MAPK13: variants seen among roughly 807,000 people sequenced by gnomAD.
MAPK13 encodes the protein MAP kinase 13.
In MAPK13, 39 loss-of-function variants were observed where a neutral mutation model predicts 53.5. The ratio of observed to expected loss-of-function variants is 0.73; its 90% CI spans 0.56 to 0.95. MAPK13 has a LOEUF of 0.95. Ranked by LOEUF, MAPK13 falls within the 40% of genes least tolerant of loss-of-function variation. The pLI, the probability that MAPK13 is intolerant of heterozygous loss-of-function variation, is 0.00. For missense variants in MAPK13, 460 were observed against 471.8 expected (o/e 0.98, Z 0.23); for synonymous variants, 179 against 190.9 (o/e 0.94, Z 0.51).
At chr6:36,137,856 G>A (rs747889787) in intron 8 of MAPK13, among the ~76,000 whole-genome samples, 1 of 150,692 alleles carries the variant, frequency 6.6e-6, no homozygotes, top group Non-Finnish European at 1.5e-5. Flanking sequence ...CTACTCGGGA[G>A]GCTGAGGCAG....
In MAPK13 at chr6:36,138,882, C is replaced by T. The variant is rs55990045; in HGVS notation, c.845C>T (p.Ala282Val). ...QLFPRASPQAADLLEKMLELD... is the reference protein window; with the variant it reads ...QLFPRASPQAVDLLEKMLELD... ...GCTCTTGGCTCTGCCCCTGCAGCTG[C>T]GGACCTGCTGGAGAAGATGCTGGAG... The change falls in exon 11 of 12, where the codon GCG becomes GTG. Residue 282 changes from alanine to valine, a missense_variant. By Grantham distance (64) the Ala-to-Val change is moderately conservative (BLOSUM62 0). Transcript: ENST00000211287. 1.5e-4 allele frequency: 244 copies of T among 1,610,142 alleles called. No homozygotes were observed. In the African/African-American group the frequency reaches 3.0e-3, roughly 20 times the overall value.
chr6:36,138,939 A>G lies in MAPK13; in HGVS notation c.902A>G (p.Gln301Arg), dbSNP rs1342222692. 8 of 1,613,122 alleles carry G rather than the reference A, an allele frequency of 5.0e-6. No individual in the cohort carries two copies. The highest frequency in any genetic ancestry group is 5.9e-6 in the Non-Finnish European group (7 of 1,179,616). The change falls in exon 11 of 12, where the codon CAG (glutamine) becomes CGG (arginine). Residue 301 changes from glutamine to arginine, a missense_variant. By Grantham distance (43) the Gln-to-Arg change is conservative (BLOSUM62 1). Transcript: ENST00000211287. Reference protein sequence around the residue: ...LDVDKRLTAAQALTHPFFEPF... With the variant: ...LDVDKRLTAARALTHPFFEPF... ...GTGGACAAGCGCCTGACGGCCGCGC[A>G]GGCCCTCACCCATCCCTTCTTTGAA...
Position 36,130,744 on chromosome 6 carries a change from G to A in MAPK13, c.119+43G>A. The A allele has an allele frequency of 9.3e-7, 1 of 1,078,986 alleles. No homozygotes were observed. The highest frequency in any genetic ancestry group is 1.3e-6 in the Non-Finnish European group (1 of 752,834). The allele number at this position is 1,078,986 out of a possible 1,614,324, so 66.8% of individuals were successfully genotyped here. ...CTGGGGGGCGGGGGGCGGGCGCCAGGCTCTCCCCTTTCCGCCCAGCCCGCC... is the reference window on the plus strand; with the variant it reads ...CTGGGGGGCGGGGGGCGGGCGCCAGACTCTCCCCTTTCCGCCCAGCCCGCC... On this transcript the variant is annotated intron_variant, in intron 1 of 11. Transcript: ENST00000211287. This position sits in a 1 kb window ranked among gnomAD's most constrained non-coding sequence, Gnocchi z 4.5.
chr6:36,131,651 T>C (rs1376772672), intron 2 of MAPK13, among the ~76,000 whole-genome samples: 2 of 152,202 alleles, frequency 1.3e-5, no homozygotes, highest in Non-Finnish European at 2.9e-5. Flanking sequence ...ACAGAGGAAA[T>C]TGGCACAGGG....
At chr6:36,136,793 G>A in intron 7 of MAPK13, 23 bp downstream of exon 7, 1 of 1,613,036 alleles carries the variant, frequency 6.2e-7, no homozygotes, top group Non-Finnish European at 8.5e-7. Context: ...TGCCTGAGAG[G>A]GCGGTCCTGG....
chr6:36,130,720 T>TGCGGGGC lies in MAPK13; in HGVS notation c.119+20_119+21insCGGGGCG. 8 of 668,548 alleles carry TGCGGGGC rather than the reference T, an allele frequency of 1.2e-5. No homozygotes were observed. The highest frequency in any genetic ancestry group is 1.9e-5 in the Non-Finnish European group (8 of 415,424). 41.4% of individuals were successfully genotyped at this position (668,548 alleles called of 1,614,324 possible). ...CCGTGTGGTGAGACCCCTGGGCCGC[T>TGCGGGGC]GGGGGGCGGGGGGCGGGCGCCAGGC... On this transcript the variant is annotated intron_variant, in intron 1 of 11. Transcript: ENST00000211287. The surrounding 1 kb of genome is among the most constrained non-coding windows in gnomAD (Gnocchi z 4.5).
At position 36,136,498 on chromosome 6, in the gene MAPK13, C is replaced by G. The variant is rs928432243; in HGVS notation, c.462C>G (p.Gly154=). ...AGVVHRDLKP[G]NLAVNEDCEL... ...CCTCCCCCCAGGACCTGAAGCCAGG[C>G]AACCTGGCTGTGAATGAGGACTGTG... Residue 154 remains glycine (G), a synonymous_variant, in exon 6 of 12, where the codon GGC becomes GGG. Coordinates refer to ENST00000211287, the MANE Select transcript of MAPK13 (RefSeq NM_002754.5). 1.3e-5 allele frequency: 21 copies of G among 1,601,020 alleles called. No homozygotes were observed. The highest frequency in any genetic ancestry group is 1.6e-5 in the Non-Finnish European group (19 of 1,174,080).
rs536311201 is a variant in MAPK13, at chr6:36,130,864, C to T, written c.119+163C>T. The T allele has an allele frequency of 1.9e-5, 10 of 512,974 alleles. No individual in the cohort carries two copies. The highest frequency in any genetic ancestry group is 2.5e-5 in the South Asian group (1 of 40,162). The allele number at this position is 512,974 out of a possible 1,614,324, so 31.8% of individuals were successfully genotyped here. On this transcript the variant is annotated intron_variant, in intron 1 of 11. Transcript: ENST00000211287. The surrounding 1 kb of genome is among the most constrained non-coding windows in gnomAD (Gnocchi z 4.5). ...CCAGCGGCCATCTCCCTTTTCTCAC[C>T]GAGTGGCTGAGTGAGGTCTCTGGGG...
rs1766573267 is a variant in MAPK13, at chr6:36,143,419, G to GT, written c.*4047dup. 6.6e-6 allele frequency: 1 copy of GT among 152,366 alleles called. No individual in the cohort carries two copies. Among genetic ancestry groups the GT allele is most frequent in the African/African-American group, 2.4e-5 (1 of 41,446 alleles). 9.4% of individuals were successfully genotyped at this position (152,366 alleles called of 1,614,324 possible). ...TGCACGGGTGCCCGGAGCTGCCTGC[G>GT]TGAGGCTGGGGGCTAGTTTGGATGA... On this transcript the variant is annotated 3_prime_UTR_variant, in exon 12 of 12. Transcript: ENST00000211287.
chr6:36,136,172 G>T, intron 5 of MAPK13, 124 bp downstream of exon 5: 3 of 1,195,524 alleles, frequency 2.5e-6, no homozygotes, highest in Admixed American at 2.0e-5. Context: ...ACAGAATGTG[G>T]AGTTTTCACA....
chr6:36,139,098 C>A, intron 11 of MAPK13, 43 bp downstream of exon 11: 1 of 1,537,998 alleles, frequency 6.5e-7, no homozygotes, highest in South Asian at 1.2e-5. Context: ...CGCCTGCAGC[C>A]TCTCTTCCTT....
chr6:36,135,744 G>A lies in MAPK13; in HGVS notation c.309-9G>A, dbSNP rs1427115710. 1.2e-6 allele frequency: 2 copies of A among 1,605,356 alleles called. No individual in the cohort carries two copies. Among genetic ancestry groups the A allele is most frequent in the Non-Finnish European group, 1.7e-6 (2 of 1,173,444 alleles). ...CGGCACTGTTCCAAGAACCCCTCAT[G>A]CCTTCCAGCTACCTGGTGATGCCCT... On this transcript the variant is annotated splice_polypyrimidine_tract_variant and intron_variant, in intron 3 of 11. Coordinates refer to ENST00000211287, the MANE Select transcript of MAPK13 (RefSeq NM_002754.5).
intron 2 of MAPK13, 40 bp downstream of exon 2, chr6:36,131,440 C>G: frequency 6.3e-7 from 1 of 1,584,434 alleles, no homozygotes. Flanking sequence ...GGGGGCTGCC[C>G]TGGGGAGTCA....
rs371385001 is a variant in MAPK13, at chr6:36,130,733, G to A, written c.119+32G>A. On this transcript the variant is annotated intron_variant, in intron 1 of 11. Coordinates refer to ENST00000211287, the MANE Select transcript of MAPK13 (RefSeq NM_002754.5). This position sits in a 1 kb window ranked among gnomAD's most constrained non-coding sequence, Gnocchi z 4.5. ...CCCCTGGGCCGCTGGGGGGCGGGGG[G>A]CGGGCGCCAGGCTCTCCCCTTTCCG... is the stretch of plus-strand genomic sequence containing the variant. 1,289 of 1,098,826 alleles carry A rather than the reference G, an allele frequency of 1.2e-3. 74 individuals are homozygous for A. The highest frequency in any genetic ancestry group is 2.0e-3 in the Admixed American group (87 of 42,524). The allele number at this position is 1,098,826 out of a possible 1,614,324, so 68.1% of individuals were successfully genotyped here.
chr6:36,133,830 G>A (rs570764665), intron 3 of MAPK13, among the ~76,000 whole-genome samples: 2 of 152,152 alleles, frequency 1.3e-5, no homozygotes, highest in Non-Finnish European at 2.9e-5. Context: ...AAGAGGATGA[G>A]CAGATGGAAG....
chr6:36,137,819 G>C (rs975205215), intron 8 of MAPK13, among the ~76,000 whole-genome samples: 3 of 150,540 alleles, frequency 2.0e-5, no homozygotes, highest in South Asian at 4.2e-4. Context: ...AAAATTAGCC[G>C]GGTGTGGTTC....
chr6:36,131,354 G>C lies in MAPK13; in HGVS notation c.203G>C (p.Arg68Pro). The C allele has an allele frequency of 6.2e-7, 1 of 1,613,864 alleles. No homozygotes were observed. Among genetic ancestry groups the C allele is most frequent in the Non-Finnish European group, 8.5e-7 (1 of 1,179,908 alleles). ...RPFQSEIFAK[R>P]AYRELLLLKH... ...TTTCAGTCCGAGATCTTCGCCAAGC[G>C]CGCCTACCGGGAGCTGCTGCTGCTG... Residue 68 changes from arginine to proline, a missense_variant, in exon 2 of 12, where the codon CGC becomes CCC. Coordinates refer to ENST00000211287, the MANE Select transcript of MAPK13 (RefSeq NM_002754.5).
intron 8 of MAPK13, 96 bp downstream of exon 8, chr6:36,137,046 G>C: frequency 9.8e-7 from 1 of 1,019,608 alleles, no homozygotes; most frequent in South Asian, 1.4e-5. Flanking sequence ...TAATGTGAGA[G>C]TGATACATAC....
intron 3 of MAPK13, among the ~76,000 whole-genome samples, chr6:36,133,120 A>G (rs1766351734): frequency 1.3e-5 from 2 of 152,232 alleles, no homozygotes; most frequent in Non-Finnish European, 2.9e-5. Context: ...AGAAAACCAG[A>G]ATATTTAGCT....
Sources: allele counts gnomAD v4.1 joint callset (sites outside exome capture counted in the v4.1 genomes callset), GRCh38; gene constraint gnomAD v4.1.1; non-coding constraint Gnocchi (gnomAD v3.1); transcripts MANE v1.5; gene names NCBI Gene and HGNC (gene_info 2026-07-23, HGNC 2026-07-21).